TBC1D23: variants seen among roughly 807,000 people sequenced by gnomAD.
The protein encoded by TBC1D23 is HCV non-structural protein 4A-transactivated protein 1.
A neutral mutation model predicts 91.4 loss-of-function variants in TBC1D23; 55 were observed. The observed-to-expected ratio is 0.60, with a 90% CI of 0.48 to 0.75. TBC1D23 has a LOEUF of 0.75. Among genes scored for constraint, TBC1D23 ranks in the 30% least tolerant of loss-of-function variants. The pLI, the probability that TBC1D23 is intolerant of heterozygous loss-of-function variation, is 0.00. For synonymous variants in TBC1D23, 289 were observed against 281.0 expected, an observed-to-expected ratio of 1.03 and a Z score of -0.28; for missense variants, 725 against 836.1, an observed-to-expected ratio of 0.87 and a Z score of 1.64.
intron 4 of TBC1D23, among the ~76,000 whole-genome samples, chr3:100,288,407 G>A (rs2067762452): frequency 6.6e-6 from 1 of 152,152 alleles, no homozygotes; most frequent in Non-Finnish European, 1.5e-5. Flanking sequence ...GAAGGGGGCA[G>A]TATGGCATAA....
At chr3:100,321,922 T>C (rs1705865093) in intron 18 of TBC1D23, among the ~76,000 whole-genome samples, 1 of 151,810 alleles carries the variant, frequency 6.6e-6, no homozygotes, top group South Asian at 2.1e-4. Flanking sequence ...TATGTCATTC[T>C]AATTCTCTGT....
chr3:100,295,003 T>G, intron 5 of TBC1D23, 84 bp from the exon 6 acceptor site: 1 of 1,300,586 alleles, frequency 7.7e-7, no homozygotes, highest in Admixed American at 2.6e-5. Flanking sequence ...TGATATAATG[T>G]TTCTTATTCA....
intron 1 of TBC1D23, among the ~76,000 whole-genome samples, chr3:100,275,713 G>A (rs2067643155): frequency 6.6e-6 from 1 of 152,104 alleles, no homozygotes; most frequent in South Asian, 2.1e-4. Context: ...ACTGATACTT[G>A]TGTTCAAAAT....
At chr3:100,300,604 C>T (rs537841369) in intron 10 of TBC1D23, among the ~76,000 whole-genome samples, 3 of 149,664 alleles carry the variant, frequency 2.0e-5, no homozygotes, top group Non-Finnish European at 4.4e-5. Flanking sequence ...CAGGTTCTGG[C>T]GATTCCCTAG....
rs982749315 is a variant in TBC1D23, at chr3:100,306,632, G to A, written c.1413+89G>A. 10 of 705,556 alleles carry A rather than the reference G, an allele frequency of 1.4e-5. No homozygotes were observed. The African/African-American group carries it at 1.6e-4, about 11-fold the overall frequency. The allele number at this position is 705,556 out of a possible 1,614,324, so 43.7% of individuals were successfully genotyped here. A position where few individuals can be genotyped will look rare whatever the true frequency, so the allele number is the denominator to read the frequency against. Reference sequence around the variant, plus strand: ...CTAAACCCCCACCATAACAGAAATGGAGTCAAAACATTTCAAACACATGCA... The same window carrying A: ...CTAAACCCCCACCATAACAGAAATGAAGTCAAAACATTTCAAACACATGCA... On this transcript the variant is annotated intron_variant, in intron 13 of 18. Coordinates refer to ENST00000394144, the MANE Select transcript of TBC1D23 (RefSeq NM_001199198.3).
rs114677910 is a variant in TBC1D23, at chr3:100,298,130, A to C, written c.999+85A>C. 5.7e-4 allele frequency: 686 copies of C among 1,206,014 alleles called. 2 individuals are homozygous for C. The African/African-American group carries it at 9.5e-3, about 17-fold the overall frequency. 74.7% of individuals were successfully genotyped at this position (1,206,014 alleles called of 1,614,324 possible). ...TTCCTCCCTGTTCATTGATTCCCACAAAATCAATTTACTGCAACAAGGTGG... is the reference window on the plus strand; with the variant it reads ...TTCCTCCCTGTTCATTGATTCCCACCAAATCAATTTACTGCAACAAGGTGG... On this transcript the variant is annotated intron_variant, in intron 9 of 18. Coordinates refer to ENST00000394144, the MANE Select transcript of TBC1D23 (RefSeq NM_001199198.3).
rs143412344 is a variant in TBC1D23, at chr3:100,312,296, A to C, written c.1598+419A>C. On this transcript the variant is annotated intron_variant, in intron 15 of 18. Coordinates refer to ENST00000394144, the MANE Select transcript of TBC1D23 (RefSeq NM_001199198.3). ...AAAAATAGGCACCGTTCATGGTTCA[A>C]AATTTTTGTTAATTTGTGTACATTA... is the stretch of plus-strand genomic sequence containing the variant. Among the ~76,000 whole-genome samples, 610 of 152,324 alleles carry C rather than the reference A, an allele frequency of 4.0e-3. 1 individual carries two copies. The highest frequency in any genetic ancestry group is 7.2e-3 in the Non-Finnish European group (492 of 68,026).
At chr3:100,323,563 A>T in intron 18 of TBC1D23, 24 bp from the exon 19 acceptor site, 1 of 1,229,546 alleles carries the variant, frequency 8.1e-7, no homozygotes, top group Non-Finnish European at 1.1e-6. Flanking sequence ...ATATGTATAT[A>T]TATGTATTTT....
chr3:100,315,946 A>C, intron 15 of TBC1D23, 153 bp from the exon 16 acceptor site: 1 of 617,912 alleles, frequency 1.6e-6, no homozygotes, highest in Non-Finnish European at 2.9e-6. Context: ...TTTCCTTAAC[A>C]TAGCTCTCCT....
chr3:100,292,185 T>A (rs1287127715), intron 5 of TBC1D23, among the ~76,000 whole-genome samples: 1 of 152,216 alleles, frequency 6.6e-6, no homozygotes, highest in Non-Finnish European at 1.5e-5. Context: ...TAACAATAGT[T>A]TTGACCTTAC....
Position 100,290,696 on chromosome 3 carries a change from A to G in TBC1D23, c.595A>G (p.Asn199Asp). The G allele has an allele frequency of 6.3e-7, 1 of 1,599,380 alleles. No individual in the cohort carries two copies. The highest frequency in any genetic ancestry group is 1.1e-5 in the South Asian group (1 of 88,312). Residue 199 changes from asparagine (N) to aspartate (D), a missense_variant, in exon 5 of 19, where the codon AAC (asparagine) becomes GAC (aspartate). By Grantham distance (23) the Asn-to-Asp change is conservative. Transcript: ENST00000394144. ...KKITPDSYAL[N>D]WLGSLFACYC... ...AATTACTCCAGACTCCTATGCACTC[A>G]ACTGGGTAATAAAGTGAAAGTAGGA...
intron 1 of TBC1D23, among the ~76,000 whole-genome samples, chr3:100,276,784 G>A (rs1176498107): frequency 6.6e-6 from 1 of 152,198 alleles, no homozygotes; most frequent in Non-Finnish European, 1.5e-5. Context: ...GGAACCTGTA[G>A]TATTATACCA....
In TBC1D23 at chr3:100,271,454, G is replaced by A. The variant is rs554553454; in HGVS notation, c.54-8195G>A. Among the ~76,000 whole-genome samples, 10 of 152,266 alleles carry A rather than the reference G, an allele frequency of 6.6e-5. No individual in the cohort carries two copies. The South Asian group carries it at 2.1e-3, about 32-fold the overall frequency. On this transcript the variant is annotated intron_variant, in intron 1 of 18. Transcript: ENST00000394144. ...GGAAAATAGGAGAGAAGGGATAATG[G>A]ATGGCACATGGCTTCTGAAAGATCG...
In TBC1D23 at chr3:100,311,836, G is replaced by T; in HGVS notation, c.1557G>T (p.Met519Ile). 6.5e-7 allele frequency: 1 copy of T among 1,534,194 alleles called. No homozygotes were observed. Among genetic ancestry groups the T allele is most frequent in the African/African-American group, 1.4e-5 (1 of 73,056 alleles). The change falls in exon 15 of 19, where the codon ATG becomes ATT. Residue 519 changes from methionine to isoleucine, a missense_variant. Met to Ile is a conservative substitution (Grantham distance 10, BLOSUM62 1). Coordinates refer to ENST00000394144, the MANE Select transcript of TBC1D23 (RefSeq NM_001199198.3). ...CCTCTGCCTTGATTTGCTATAGAAT[G>T]TCTTTCAATCTTCCTTGGCCAGACA... ...IENTSTPVDR[M>I]SFNLPWPDRS...
chr3:100,304,310 G>A (rs1705481221), intron 11 of TBC1D23, among the ~76,000 whole-genome samples: 2 of 152,110 alleles, frequency 1.3e-5, no homozygotes, highest in Admixed American at 6.5e-5. Context: ...AGGAGGTTCT[G>A]AGGGGGTGAT....
Position 100,323,151 on chromosome 3 carries a change from A to T in TBC1D23, c.2019-436A>T, listed in dbSNP as rs555050921. Among the ~76,000 whole-genome samples, 14 of 152,322 alleles carry T rather than the reference A, an allele frequency of 9.2e-5. No homozygotes were observed. The South Asian group carries it at 2.1e-3, about 23-fold the overall frequency. ...TAGGAATCTGTTTTAGTGAACTTAA[A>T]TTATTTGCTTAAAGTCAAACTATTA... is the stretch of plus-strand genomic sequence containing the variant. On this transcript the variant is annotated intron_variant, in intron 18 of 18. Coordinates refer to ENST00000394144, the MANE Select transcript of TBC1D23 (RefSeq NM_001199198.3).
At chr3:100,299,053 T>C (rs1705366777) in intron 9 of TBC1D23, among the ~76,000 whole-genome samples, 186 bp from the exon 10 acceptor site, 1 of 152,368 alleles carries the variant, frequency 6.6e-6, no homozygotes, top group African/African-American at 2.4e-5. Flanking sequence ...GTTTTAACTG[T>C]TTAAAAGAAA....
At chr3:100,307,944 T>C (rs772970341) in intron 13 of TBC1D23, among the ~76,000 whole-genome samples, 1 of 152,234 alleles carries the variant, frequency 6.6e-6, no homozygotes, top group African/African-American at 2.4e-5. Flanking sequence ...TCTGCATTAT[T>C]ATCAAATGGC....
intron 1 of TBC1D23, among the ~76,000 whole-genome samples, chr3:100,272,426 T>C (rs2067607317): frequency 6.6e-6 from 1 of 152,104 alleles, no homozygotes; most frequent in East Asian, 1.9e-4. Context: ...CACAAACAAA[T>C]GGAAAAACAT....
Sources: allele counts gnomAD v4.1 joint callset (sites outside exome capture counted in the v4.1 genomes callset), GRCh38; gene constraint gnomAD v4.1.1; transcripts MANE v1.5; gene names NCBI Gene and HGNC (gene_info 2026-07-23, HGNC 2026-07-21).